CNOT4: variants seen among roughly 807,000 people sequenced by gnomAD.
CNOT4 encodes the protein CCR4-associated factor 4.
CNOT4 carries 8 observed loss-of-function variants against 73.8 expected under a neutral mutation model. The ratio of observed to expected loss-of-function variants is 0.11; its 90% confidence interval spans 0.06 to 0.20. CNOT4 has a LOEUF of 0.20. Among genes scored for constraint, CNOT4 ranks in the 10% least tolerant of loss-of-function variants. The pLI, the probability that CNOT4 is intolerant of heterozygous loss-of-function variation, is 1.00. For missense variants in CNOT4, 564 were observed against 883.4 expected (o/e 0.64, Z 4.58); for synonymous variants, 293 against 321.1 (o/e 0.91, Z 0.94).
chr7:135,429,222 T>G (rs1273655204), intron 2 of CNOT4, among the ~76,000 whole-genome samples: 1 of 152,200 alleles, frequency 6.6e-6, no homozygotes, highest in Non-Finnish European at 1.5e-5. Context: ...GATCTTGAAT[T>G]TCATTATGAC....
At chr7:135,504,398 T>C (rs1369158719) in intron 1 of CNOT4, among the ~76,000 whole-genome samples, 2 of 148,602 alleles carry the variant, frequency 1.3e-5, no homozygotes, top group Non-Finnish European at 3.0e-5. Flanking sequence ...CAAGTTCAAA[T>C]GATTCTCCTG....
At chr7:135,410,249 A>G (rs573341201) in intron 7 of CNOT4, among the ~76,000 whole-genome samples, 21 of 152,272 alleles carry the variant, frequency 1.4e-4, no homozygotes, top group Non-Finnish European at 2.6e-4. Flanking sequence ...TTTAATAAGG[A>G]AAGTATTCCC....
chr7:135,402,112 C>CT (rs71531849), intron 7 of CNOT4, among the ~76,000 whole-genome samples: 54,904 of 142,242 alleles, frequency 0.39, 10,637 homozygotes, highest in South Asian at 0.46. Context: ...AAGACTATAT[C>CT]TTTTTTTTTT....
chr7:135,395,764 T>G lies in CNOT4; in HGVS notation c.999A>C (p.Ser333=). The G allele has an allele frequency of 6.2e-7, 1 of 1,614,150 alleles. No homozygotes were observed. Among genetic ancestry groups the G allele is most frequent in the South Asian group, 1.1e-5 (1 of 91,084 alleles). ...GAAAATTGTCTGAGAATAACGACTG[T>G]GACTCTGTTACTGCCCCTTCAAAAG... ...RSPFEGAVTE[S]QSLFSDNFRH... Residue 333 remains serine (S), a synonymous_variant, in exon 9 of 12, where the codon TCA becomes TCC. Transcript: ENST00000541284.
chr7:135,452,236 C>T (rs2129485919), intron 1 of CNOT4, among the ~76,000 whole-genome samples: 1 of 152,062 alleles, frequency 6.6e-6, no homozygotes, highest in South Asian at 2.1e-4. Flanking sequence ...AAGAACCTGT[C>T]TCTAAAAGAG....
At chr7:135,369,844 T>A (rs1585542432) in intron 10 of CNOT4, among the ~76,000 whole-genome samples, 1 of 152,172 alleles carries the variant, frequency 6.6e-6, no homozygotes, top group East Asian at 1.9e-4. Flanking sequence ...TCCTCAAACC[T>A]CAACAATGAA....
At position 135,454,069 on chromosome 7, in the gene CNOT4, T is replaced by C. The variant is rs576565989; in HGVS notation, c.-92-15646A>G. Reference sequence around the variant, plus strand: ...GAATAAAACTAAATAATAAATACTTTTAAGGGGTCTAAAATACAGAAATAT... The same window carrying C: ...GAATAAAACTAAATAATAAATACTTCTAAGGGGTCTAAAATACAGAAATAT... On this transcript the variant is annotated intron_variant, in intron 1 of 11. Transcript: ENST00000541284. 4.7e-5 allele frequency among the ~76,000 whole-genome samples: 7 copies of C among 150,010 alleles called. No homozygotes were observed. The South Asian group carries it at 8.4e-4, about 18-fold the overall frequency.
chr7:135,446,718 CACAG>C (rs1229252280), intron 1 of CNOT4, among the ~76,000 whole-genome samples: 8 of 151,738 alleles, frequency 5.3e-5, no homozygotes, highest in Admixed American at 2.6e-4. Flanking sequence ...GAAATACACA[CACAG>C]ACACACACAC....
At chr7:135,391,554 C>T (rs1190275895) in intron 10 of CNOT4, among the ~76,000 whole-genome samples, 3 of 151,934 alleles carry the variant, frequency 2.0e-5, no homozygotes, top group Non-Finnish European at 2.9e-5. Context: ...GGTTTTAATG[C>T]TCTATGGTTG....
chr7:135,432,917 A>T (rs572561433), intron 2 of CNOT4, among the ~76,000 whole-genome samples: 2 of 152,302 alleles, frequency 1.3e-5, no homozygotes, highest in South Asian at 4.1e-4. Flanking sequence ...TTTACATGCG[A>T]TCTGCTATTT....
At chr7:135,477,889 T>A (rs1424222251) in intron 1 of CNOT4, among the ~76,000 whole-genome samples, 1 of 152,126 alleles carries the variant, frequency 6.6e-6, no homozygotes. Context: ...CCTTATATTT[T>A]ATGCCAATAT....
At position 135,376,987 on chromosome 7, in the gene CNOT4, TG is replaced by T. The variant is rs1585552420; in HGVS notation, c.1628-12922del. Among the ~76,000 whole-genome samples, 12 of 152,254 alleles carry T rather than the reference TG, an allele frequency of 7.9e-5. 1 individual carries two copies. In the South Asian group the frequency reaches 2.5e-3, roughly 32 times the overall value. ...CATTATTTTATAAAACTAAATGAAA[TG>T]GAGATGGATATAGTTATGGTGATAA... On this transcript the variant is annotated intron_variant, in intron 10 of 11. Coordinates refer to ENST00000541284, the MANE Select transcript of CNOT4 (RefSeq NM_001190850.2).
intron 1 of CNOT4, among the ~76,000 whole-genome samples, chr7:135,503,710 A>G (rs1423279748): frequency 1.3e-5 from 2 of 152,358 alleles, no homozygotes; most frequent in South Asian, 2.1e-4. Flanking sequence ...AAATGTGTGC[A>G]GAAAGATTTA....
chr7:135,440,637 GCAGGCCGGGTGCAGTGGCT>G lies in CNOT4; in HGVS notation c.-92-2233_-92-2215del, dbSNP rs1489161286. On this transcript the variant is annotated intron_variant, in intron 1 of 11. Coordinates refer to ENST00000541284, the MANE Select transcript of CNOT4 (RefSeq NM_001190850.2). ...TACAGCAATATAAGAGTAGAAAACT[GCAGGCCGGGTGCAGTGGCT>G]CACGCCTATAATCCCAGCACTTGGA... Among the ~76,000 whole-genome samples, 51 of 152,204 alleles carry G rather than the reference GCAGGCCGGGTGCAGTGGCT, an allele frequency of 3.4e-4. 1 individual carries two copies. The East Asian group carries it at 4.8e-3, about 14-fold the overall frequency.
At chr7:135,395,242 G>A (rs1585578991) in intron 9 of CNOT4, among the ~76,000 whole-genome samples, 1 of 152,046 alleles carries the variant, frequency 6.6e-6, no homozygotes, top group East Asian at 1.9e-4. Flanking sequence ...AAATTAACCA[G>A]GAGGCTGAGG....
intron 1 of CNOT4, among the ~76,000 whole-genome samples, chr7:135,472,980 G>A (rs1036217645): frequency 6.6e-6 from 1 of 151,914 alleles, no homozygotes; most frequent in African/African-American, 2.4e-5. Context: ...GGCCGAGGGT[G>A]CAGTGCGTTA....
At chr7:135,453,740 GTTATA>G (rs1319734534) in intron 1 of CNOT4, among the ~76,000 whole-genome samples, 35 of 140,532 alleles carry the variant, frequency 2.5e-4, no homozygotes, top group Non-Finnish European at 4.9e-4. Context: ...ATATATATAT[GTTATA>G]TTATATATAT....
chr7:135,481,005 A>G (rs1802343764), intron 1 of CNOT4, among the ~76,000 whole-genome samples: 1 of 151,978 alleles, frequency 6.6e-6, no homozygotes, highest in Non-Finnish European at 1.5e-5. Flanking sequence ...GAAAAAAAAA[A>G]AACACATCAA....
chr7:135,384,386 G>A (rs912565532), intron 10 of CNOT4: 8 of 307,934 alleles, frequency 2.6e-5, no homozygotes, highest in African/African-American at 6.6e-5. Flanking sequence ...CTGGGTTCGC[G>A]CCATTCTCCT....
Sources: allele counts gnomAD v4.1 joint callset (sites outside exome capture counted in the v4.1 genomes callset), GRCh38; gene constraint gnomAD v4.1.1; transcripts MANE v1.5; gene names NCBI Gene and HGNC (gene_info 2026-07-23, HGNC 2026-07-21).